The following VDAC1 variants were observed in gnomAD, a reference collection of about 807,000 sequenced individuals.
VDAC1 encodes the protein non-selective voltage-gated ion channel VDAC1.
In VDAC1, 10 loss-of-function variants were observed where a neutral mutation model predicts 34.7. That is an observed-to-expected ratio of 0.29 (90% CI 0.18 to 0.49). The LOEUF is 0.49. VDAC1 is among the 20% of genes least tolerant of loss of function. The pLI is 0.99. For missense variants in VDAC1, 230 were observed against 347.9 expected, an observed-to-expected ratio of 0.66 and a Z score of 2.69; for synonymous variants, 130 against 136.0, an observed-to-expected ratio of 0.96 and a Z score of 0.30.
At chr5:134,056,328 A>C in the VDAC1 span, among the ~76,000 whole-genome samples, 1 of 151,936 alleles carries the variant, frequency 6.6e-6, no homozygotes, top group African/African-American at 2.4e-5. Flanking sequence ...ATCAGTACAT[A>C]AAGATGTGCA....
the VDAC1 span, among the ~76,000 whole-genome samples, chr5:134,059,068 G>T: frequency 6.6e-6 from 1 of 152,242 alleles, no homozygotes; most frequent in Admixed American, 6.5e-5. Flanking sequence ...CCAACCCATG[G>T]TCGGCAACAG....
chr5:134,101,129 C>A, the VDAC1 span, among the ~76,000 whole-genome samples: 1 of 152,370 alleles, frequency 6.6e-6, no homozygotes, highest in African/African-American at 2.4e-5. Flanking sequence ...AAGTCCTTGA[C>A]GAAGGCCACC....
the VDAC1 span, among the ~76,000 whole-genome samples, chr5:134,029,883 C>T: frequency 1.3e-5 from 2 of 152,098 alleles, no homozygotes; most frequent in African/African-American, 4.8e-5. Context: ...GAGAAAATGG[C>T]ACAGAACTAT....
the VDAC1 span, among the ~76,000 whole-genome samples, chr5:134,060,705 A>T: frequency 6.6e-6 from 1 of 151,578 alleles, no homozygotes; most frequent in Non-Finnish European, 1.5e-5. Context: ...CTAGTTTTTA[A>T]GTTAGTTGTA....
the VDAC1 span, among the ~76,000 whole-genome samples, chr5:134,075,521 C>T: frequency 2.6e-5 from 4 of 152,244 alleles, no homozygotes; most frequent in African/African-American, 9.6e-5. Flanking sequence ...CACTACTATT[C>T]ATACACTACT....
chr5:134,001,314 G>A (rs987100933), intron 1 of VDAC1, among the ~76,000 whole-genome samples: 2 of 152,154 alleles, frequency 1.3e-5, no homozygotes, highest in African/African-American at 2.4e-5. Flanking sequence ...CTCTCCCAGG[G>A]TATAGGGTGG....
the VDAC1 span, among the ~76,000 whole-genome samples, chr5:134,084,830 G>A: frequency 1.5e-4 from 23 of 152,212 alleles, no homozygotes; most frequent in Non-Finnish European, 2.5e-4. Context: ...TGTCACGCCT[G>A]GCAGAGACCC....
At chr5:134,060,314 C>T in the VDAC1 span, among the ~76,000 whole-genome samples, 1 of 151,970 alleles carries the variant, frequency 6.6e-6, no homozygotes, top group Non-Finnish European at 1.5e-5. Flanking sequence ...CCGTCCAATG[C>T]AGGTGTCTGC....
At chr5:134,025,250 G>A in the VDAC1 span, among the ~76,000 whole-genome samples, 1 of 152,154 alleles carries the variant, frequency 6.6e-6, no homozygotes, top group Non-Finnish European at 1.5e-5. Context: ...ACGTCACATG[G>A]CGAAAGAGGG....
chr5:134,005,367 G>T (rs2288835), upstream of VDAC1: 3 of 152,340 alleles, frequency 2.0e-5, no homozygotes, highest in East Asian at 5.8e-4. Flanking sequence ...TGTTGCTCCC[G>T]AGCTCCGCGC....
the VDAC1 span, among the ~76,000 whole-genome samples, chr5:134,033,678 A>C: frequency 6.6e-6 from 1 of 151,464 alleles, no homozygotes; most frequent in African/African-American, 2.4e-5. Flanking sequence ...AAAATGGAAA[A>C]AAAAAAAAAA....
At chr5:134,084,368 CGA>C in the VDAC1 span, among the ~76,000 whole-genome samples, 1 of 152,142 alleles carries the variant, frequency 6.6e-6, no homozygotes, top group East Asian at 1.9e-4. Context: ...TATGTTGGGC[CGA>C]GAGCTGAGCT....
At chr5:134,057,705 G>T in the VDAC1 span, among the ~76,000 whole-genome samples, 1 of 150,898 alleles carries the variant, frequency 6.6e-6, no homozygotes, top group East Asian at 2.0e-4. Context: ...AAAAAAAAAG[G>T]ATATGTGTCT....
chr5:134,033,446 G>A, the VDAC1 span, among the ~76,000 whole-genome samples: 146 of 151,744 alleles, frequency 9.6e-4, 1 homozygote, highest in African/African-American at 3.1e-3. Flanking sequence ...ATGAGCCACC[G>A]CACCCGGCCA....
At chr5:134,052,425 T>C in the VDAC1 span, among the ~76,000 whole-genome samples, 23,353 of 151,818 alleles carry the variant, frequency 0.15, 1,949 homozygotes, top group East Asian at 0.28. Flanking sequence ...ACCTTGCAGG[T>C]TCAAGCAATC....
chr5:133,984,005 A>G lies in VDAC1; in HGVS notation c.324-3049T>C, dbSNP rs1441949125. Among the ~76,000 whole-genome samples, 3 of 152,148 alleles carry G rather than the reference A, an allele frequency of 2.0e-5. 1 individual carries two copies. Among genetic ancestry groups the G allele is most frequent in the South Asian group, 4.1e-4 (2 of 4,834 alleles). Reference sequence around the variant, plus strand: ...CCTGTGCTCTGCTTGTACAGACTGCAGAACCATGAGCCAATTGAACCTCTT... The same window carrying G: ...CCTGTGCTCTGCTTGTACAGACTGCGGAACCATGAGCCAATTGAACCTCTT... On this transcript the variant is annotated intron_variant, in intron 5 of 8. Coordinates refer to ENST00000265333, the MANE Select transcript of VDAC1 (RefSeq NM_003374.3).
At chr5:134,094,557 C>T in the VDAC1 span, among the ~76,000 whole-genome samples, 3 of 152,088 alleles carry the variant, frequency 2.0e-5, no homozygotes, top group South Asian at 4.1e-4. Flanking sequence ...ATTAGCCGAG[C>T]GTGGCGGCGG....
chr5:134,094,931 C>G, the VDAC1 span, among the ~76,000 whole-genome samples: 4 of 152,170 alleles, frequency 2.6e-5, no homozygotes, highest in African/African-American at 9.7e-5. Context: ...TTCAATTTAA[C>G]CAAGAACTCT....
the VDAC1 span, among the ~76,000 whole-genome samples, chr5:134,074,852 G>A: frequency 6.6e-6 from 1 of 152,142 alleles, no homozygotes; most frequent in Non-Finnish European, 1.5e-5. Context: ...CATGTGCCAT[G>A]AAGACATCCA....
Sources: gnomAD v4.1 joint callset for allele counts (sites outside exome capture counted in the v4.1 genomes callset) on GRCh38, gnomAD v4.1.1 for gene constraint, MANE v1.5 for transcripts, NCBI Gene and HGNC (gene_info 2026-07-23, HGNC 2026-07-21) for gene names.